The following GRB10 variants were observed in gnomAD, a reference collection of about 807,000 sequenced individuals.
The protein encoded by GRB10 is growth factor receptor bound protein 10.
In GRB10, 20 loss-of-function variants were observed where a neutral mutation model predicts 80.9. The ratio of observed to expected loss-of-function variants is 0.25; its 90% CI spans 0.17 to 0.36. The LOEUF (loss-of-function observed/expected upper bound fraction) is 0.36. Ranked by LOEUF, GRB10 falls within the 10% of genes least tolerant of loss-of-function variation. The probability of loss-of-function intolerance (pLI) is 1.00; values close to 1 mark genes in which losing one functional copy is unlikely to be tolerated. For missense variants in GRB10, 548 were observed against 747.7 expected (o/e 0.73, Z 3.12); for synonymous variants, 291 against 291.5 (o/e 1.00, Z 0.02).
At chr7:50,765,041 A>G (rs2076189684) in intron 2 of GRB10, among the ~76,000 whole-genome samples, 1 of 152,256 alleles carries the variant, frequency 6.6e-6, no homozygotes, top group South Asian at 2.1e-4. Context: ...AAAAGAAGAC[A>G]TACAAAGAGC....
At chr7:50,600,342 A>C (rs1268482387) in intron 17 of GRB10, among the ~76,000 whole-genome samples, 3 of 152,214 alleles carry the variant, frequency 2.0e-5, no homozygotes, top group Non-Finnish European at 2.9e-5. Flanking sequence ...GTTGCTTCTA[A>C]TGCTTTGAGA....
chr7:50,710,081 C>T (rs926385016), intron 4 of GRB10, among the ~76,000 whole-genome samples: 3 of 152,136 alleles, frequency 2.0e-5, no homozygotes, highest in Admixed American at 6.5e-5. Flanking sequence ...AGGCTCATCC[C>T]TTTGGCACTT....
chr7:50,728,135 A>G (rs1329545556), intron 4 of GRB10, among the ~76,000 whole-genome samples: 1 of 151,818 alleles, frequency 6.6e-6, no homozygotes, highest in Non-Finnish European at 1.5e-5. Context: ...TTCCCACCTC[A>G]AGGGTTAAGA....
intron 5 of GRB10, among the ~76,000 whole-genome samples, chr7:50,692,116 C>A (rs999963129): frequency 3.9e-5 from 6 of 152,114 alleles, no homozygotes; most frequent in Non-Finnish European, 8.8e-5. Flanking sequence ...CAACTATTTC[C>A]ACAGCATTTA....
At chr7:50,727,297 G>A (rs781185081) in intron 4 of GRB10, among the ~76,000 whole-genome samples, 27 of 152,162 alleles carry the variant, frequency 1.8e-4, no homozygotes, top group Non-Finnish European at 7.4e-5. Context: ...GCACACCACT[G>A]ACAGCATCCC....
intron 4 of GRB10, among the ~76,000 whole-genome samples, chr7:50,723,983 A>G (rs954175944): frequency 6.6e-6 from 1 of 152,258 alleles, no homozygotes; most frequent in Non-Finnish European, 1.5e-5. Context: ...GCAAAAGCAC[A>G]GCGGAGTCAC....
At chr7:50,626,321 C>T (rs1350654399) in intron 8 of GRB10, among the ~76,000 whole-genome samples, 8 of 152,244 alleles carry the variant, frequency 5.3e-5, no homozygotes, top group African/African-American at 1.4e-4. Context: ...CTCAAACTTA[C>T]AGCAAAGTGC....
At chr7:50,777,429 T>TACACACACAC (rs71018485) in intron 2 of GRB10, among the ~76,000 whole-genome samples, 12,653 of 146,100 alleles carry the variant, frequency 0.087, 613 homozygotes, top group Middle Eastern at 0.16. Context: ...GCAATCTGTA[T>TACACACACAC]ACACACACAC....
intron 7 of GRB10, among the ~76,000 whole-genome samples, chr7:50,644,339 G>A (rs149222601): frequency 5.3e-5 from 8 of 152,172 alleles, no homozygotes; most frequent in African/African-American, 1.9e-4. Flanking sequence ...GTCCATGCCC[G>A]AGCTCTTTAT....
intron 2 of GRB10, among the ~76,000 whole-genome samples, chr7:50,768,985 C>G (rs1011408450): frequency 2.0e-5 from 3 of 152,150 alleles, no homozygotes; most frequent in Admixed American, 2.0e-4. Flanking sequence ...GGCTGATGAA[C>G]AGAAAGCTAC....
chr7:50,652,776 C>CT (rs1462008654), intron 7 of GRB10, among the ~76,000 whole-genome samples: 1 of 152,166 alleles, frequency 6.6e-6, no homozygotes, highest in South Asian at 2.1e-4. Flanking sequence ...CAAAATGTTT[C>CT]TTTTTACCCA....
chr7:50,784,524 G>A (rs571739380), upstream of GRB10, among the ~76,000 whole-genome samples: 1 of 152,296 alleles, frequency 6.6e-6, no homozygotes, highest in East Asian at 1.9e-4. Flanking sequence ...GGTTGTGCAG[G>A]ACAGAGGGCT....
chr7:50,677,826 GCCACACACGTGCACACGTGCGAACATGT>G (rs1396145646), intron 5 of GRB10, among the ~76,000 whole-genome samples: 13 of 152,326 alleles, frequency 8.5e-5, no homozygotes, highest in African/African-American at 3.1e-4. Context: ...TGGTCTCAAT[GCCACACACGTGCACACGTGCGAACATGT>G]CCACACACAT....
chr7:50,777,277 T>C (rs2077761048), intron 2 of GRB10, among the ~76,000 whole-genome samples: 1 of 152,062 alleles, frequency 6.6e-6, no homozygotes, highest in Non-Finnish European at 1.5e-5. Flanking sequence ...CCATTCCCCC[T>C]CAGGCCCTTT....
At chr7:50,594,065 T>C (rs1016739372) in intron 18 of GRB10, among the ~76,000 whole-genome samples, 1 of 152,036 alleles carries the variant, frequency 6.6e-6, no homozygotes, top group South Asian at 2.1e-4. Flanking sequence ...ATTATAACTG[T>C]GTGAATAATA....
At chr7:50,630,373 T>C (rs2053777542) in intron 7 of GRB10, among the ~76,000 whole-genome samples, 1 of 152,198 alleles carries the variant, frequency 6.6e-6, no homozygotes, top group African/African-American at 2.4e-5. Flanking sequence ...AATGGAAATC[T>C]GTAAGCAGCA....
intron 4 of GRB10, among the ~76,000 whole-genome samples, chr7:50,707,008 T>C (rs74643978): frequency 0.04 from 6,153 of 152,348 alleles, 212 homozygotes; most frequent in East Asian, 0.17. Context: ...TTGTAGCAAA[T>C]GTTTTTCCCA....
intron 6 of GRB10, among the ~76,000 whole-genome samples, chr7:50,673,771 G>A (rs564187831): frequency 2.0e-5 from 3 of 152,176 alleles, no homozygotes; most frequent in East Asian, 1.9e-4. Flanking sequence ...TTCTCACGTG[G>A]CTCCTGAAAA....
intron 5 of GRB10, among the ~76,000 whole-genome samples, chr7:50,703,556 C>T (rs192568583): frequency 5.9e-4 from 88 of 149,232 alleles, no homozygotes; most frequent in Middle Eastern, 3.4e-3. Context: ...CATCAAGTTG[C>T]CTTTCGGCTG....
Sources: allele counts gnomAD v4.1 joint callset (sites outside exome capture counted in the v4.1 genomes callset), GRCh38; gene constraint gnomAD v4.1.1; transcripts MANE v1.5; gene names NCBI Gene and HGNC (gene_info 2026-07-23, HGNC 2026-07-21).